The following IGF2BP3 variants were observed in gnomAD, a reference collection of about 807,000 sequenced individuals.
IGF2BP3 encodes the protein insulin like growth factor 2 mRNA binding protein 3, also known as insulin-like growth factor 2 mRNA-binding protein 3.
Under a neutral mutation model 73.8 loss-of-function variants are expected in IGF2BP3, and 9 were observed. The ratio of observed to expected loss-of-function variants is 0.12; its 90% confidence interval spans 0.07 to 0.21. The LOEUF (loss-of-function observed/expected upper bound fraction) is 0.21. Among genes scored for constraint, IGF2BP3 ranks in the 10% least tolerant of loss-of-function variants. The pLI is 1.00. For missense variants in IGF2BP3, 542 were observed against 714.0 expected (o/e 0.76, Z 2.75); for synonymous variants, 258 against 256.7 (o/e 1.01, Z -0.05).
chr7:23,358,632 C>T (rs1433985722), intron 5 of IGF2BP3, among the ~76,000 whole-genome samples: 3 of 152,242 alleles, frequency 2.0e-5, no homozygotes, highest in African/African-American at 7.2e-5. Flanking sequence ...TAAGTCAGGG[C>T]TACCTGACTT....
At chr7:23,447,675 TAA>T (rs1400716921) in intron 2 of IGF2BP3, among the ~76,000 whole-genome samples, 1 of 151,556 alleles carries the variant, frequency 6.6e-6, no homozygotes, top group Non-Finnish European at 1.5e-5. Flanking sequence ...TGTCCCAGAT[TAA>T]AAGAGACCAA....
chr7:23,426,102 A>T (rs1311919580), intron 2 of IGF2BP3, among the ~76,000 whole-genome samples: 2 of 152,120 alleles, frequency 1.3e-5, no homozygotes, highest in African/African-American at 2.4e-5. Context: ...CAAGGCAGGC[A>T]GATCACCTGA....
At chr7:23,464,678 C>T (rs1788523534) in intron 2 of IGF2BP3, among the ~76,000 whole-genome samples, 1 of 148,104 alleles carries the variant, frequency 6.8e-6, no homozygotes, top group Non-Finnish European at 1.5e-5. Flanking sequence ...AGAGAGACTC[C>T]ATCTTAAAAA....
At chr7:23,405,065 T>C (rs1786785076) in intron 3 of IGF2BP3, 1 of 152,200 alleles carries the variant, frequency 6.6e-6, no homozygotes, top group African/African-American at 2.4e-5. Flanking sequence ...ACGCATTTCT[T>C]TTAAGAGGGT....
intron 2 of IGF2BP3, among the ~76,000 whole-genome samples, chr7:23,464,311 T>A (rs1447733646): frequency 2.6e-5 from 4 of 152,236 alleles, no homozygotes; most frequent in African/African-American, 9.6e-5. Context: ...AAGACTAATA[T>A]GGAAATAAGT....
chr7:23,372,845 C>A (rs1488945059), intron 3 of IGF2BP3, among the ~76,000 whole-genome samples: 1 of 152,178 alleles, frequency 6.6e-6, no homozygotes, highest in Non-Finnish European at 1.5e-5. Context: ...TAACTCAAAT[C>A]CACACAATCC....
In IGF2BP3 at chr7:23,312,919, G is replaced by T; in HGVS notation, c.1528-71C>A. 3 of 879,456 alleles carry T rather than the reference G, an allele frequency of 3.4e-6. No homozygotes were observed. In the South Asian group the frequency reaches 4.6e-5, roughly 13 times the overall value. 54.5% of individuals were successfully genotyped at this position (879,456 alleles called of 1,614,324 possible). On this transcript the variant is annotated intron_variant, in intron 13 of 14. Transcript: ENST00000258729. The stretch of plus-strand genomic sequence containing the variant: ...CTTACTTCCTAAGCACTTACTGTGC[G>T]CCAGACAGTGAGCTATGTATGGCTT...
chr7:23,381,385 G>A (rs891280234), intron 3 of IGF2BP3, among the ~76,000 whole-genome samples: 3 of 152,112 alleles, frequency 2.0e-5, no homozygotes, highest in South Asian at 2.1e-4. Context: ...GGCTACACCC[G>A]TTTCTCAAAA....
intron 10 of IGF2BP3, among the ~76,000 whole-genome samples, chr7:23,322,204 A>C (rs193021200): frequency 6.6e-6 from 1 of 152,200 alleles, no homozygotes; most frequent in Admixed American, 6.5e-5. Context: ...AACTAGAATA[A>C]CCAATACACA....
intron 3 of IGF2BP3, among the ~76,000 whole-genome samples, chr7:23,389,766 G>A (rs1252908298): frequency 6.6e-6 from 1 of 150,666 alleles, no homozygotes; most frequent in Non-Finnish European, 1.5e-5. Flanking sequence ...GACCAAGTCA[G>A]GAGGATCCCT....
At position 23,322,946 on chromosome 7, in the gene IGF2BP3, G is replaced by A. The variant is rs868180441; in HGVS notation, c.1204-3692C>T. On this transcript the variant is annotated intron_variant, in intron 10 of 14. Transcript: ENST00000258729. Reference sequence around the variant, plus strand: ...GCGCTAAACATGGAAAGGAACAACCGGTACCAGCCACTGCAAAATCATGCC... The same window carrying A: ...GCGCTAAACATGGAAAGGAACAACCAGTACCAGCCACTGCAAAATCATGCC... Among the ~76,000 whole-genome samples, 30 of 152,162 alleles carry A rather than the reference G, an allele frequency of 2.0e-4. No homozygotes were observed. The Middle Eastern group carries it at 0.014, about 69-fold the overall frequency.
At chr7:23,423,683 A>G (rs2128538026) in intron 2 of IGF2BP3, among the ~76,000 whole-genome samples, 1 of 152,232 alleles carries the variant, frequency 6.6e-6, no homozygotes, top group Admixed American at 6.5e-5. Context: ...GACTCACAGA[A>G]CCACTATCCA....
rs185399021 is a variant in IGF2BP3, at chr7:23,437,110, C to A, written c.237-18286G>T. 3.0e-3 allele frequency among the ~76,000 whole-genome samples: 460 copies of A among 151,392 alleles called. 4 individuals carry two copies. Among genetic ancestry groups the A allele is most frequent in the African/African-American group, 0.011 (440 of 41,278 alleles). On this transcript the variant is annotated intron_variant, in intron 2 of 14. Transcript: ENST00000258729. Reference sequence around the variant, plus strand: ...CTCCAGCCTGGGCGATAGAGTCAGACCCTGTCTCAAAAAAAACAAAACAAA... The same window carrying A: ...CTCCAGCCTGGGCGATAGAGTCAGAACCTGTCTCAAAAAAAACAAAACAAA...
chr7:23,435,586 G>C (rs936677633), intron 2 of IGF2BP3, among the ~76,000 whole-genome samples: 1 of 151,644 alleles, frequency 6.6e-6, no homozygotes, highest in African/African-American at 2.4e-5. Context: ...CTCCCGAGTA[G>C]CTGGGATTAC....
intron 3 of IGF2BP3, among the ~76,000 whole-genome samples, chr7:23,410,031 T>A (rs898099316): frequency 6.6e-6 from 1 of 151,948 alleles, no homozygotes; most frequent in African/African-American, 2.4e-5. Flanking sequence ...TAGCCAGGCA[T>A]GTTGGTGGGC....
Position 23,361,553 on chromosome 7 carries a change from TGGA to T in IGF2BP3, c.379_381del (p.Ser128del), listed in dbSNP as rs1328976089. ...GCTTACTGTCTAGCTTGGTCCTTAC[TGGA>T]ATAGGTTACATTTACAACTGCAGTT... On this transcript the variant is annotated inframe_deletion, in exon 5 of 15. Transcript: ENST00000258729. The T allele has an allele frequency of 6.2e-7, 1 of 1,612,622 alleles. No homozygotes were observed. Among genetic ancestry groups the T allele is most frequent in the Admixed American group, 1.7e-5 (1 of 60,022 alleles).
rs2128490025 is a variant in IGF2BP3, at chr7:23,310,604, A to G, written c.*1758T>C. 6.6e-6 allele frequency: 1 copy of G among 152,358 alleles called. No individual in the cohort carries two copies. Among genetic ancestry groups the G allele is most frequent in the Admixed American group, 6.5e-5 (1 of 15,304 alleles). The allele number at this position is 152,358 out of a possible 1,614,324, so 9.4% of individuals were successfully genotyped here. A position where few individuals can be genotyped will look rare whatever the true frequency, so the allele number is the denominator to read the frequency against. On this transcript the variant is annotated 3_prime_UTR_variant, in exon 15 of 15. Transcript: ENST00000258729. ...AATTTTAATTCATTGTATGAAAAAA[A>G]AATCATGAATGCTAGGAGAATCCAG... is the stretch of plus-strand genomic sequence containing the variant.
chr7:23,391,941 T>C (rs1223015676), intron 3 of IGF2BP3, among the ~76,000 whole-genome samples: 1 of 152,202 alleles, frequency 6.6e-6, no homozygotes. Context: ...AATAAGTAAA[T>C]TGCTAAGCAT....
In IGF2BP3 at chr7:23,470,091, C is replaced by T. The variant is rs1207419530; in HGVS notation, c.20G>A (p.Gly7Glu). 1 of 1,608,034 alleles carries T rather than the reference C, an allele frequency of 6.2e-7. No individual in the cohort carries two copies. Among genetic ancestry groups the T allele is most frequent in the South Asian group, 1.1e-5 (1 of 90,368 alleles). MNKLYI[G>E]NLSENAAPSD... The stretch of plus-strand genomic sequence containing the variant: ...GGGGGCGGCGTTCTCGCTGAGGTTT[C>T]CGATATACAGTTTGTTCATTGTGAA... Residue 7 changes from glycine to glutamate, a missense_variant, in exon 1 of 15, where the codon GGA becomes GAA. Gly to Glu is a moderately conservative substitution (Grantham distance 98, BLOSUM62 -2). This residue lies in a region of IGF2BP3 where 239 missense variants were observed against 241.9 expected (regional missense o/e 0.99). Coordinates refer to ENST00000258729, the MANE Select transcript of IGF2BP3 (RefSeq NM_006547.3).
Sources: allele counts gnomAD v4.1 joint callset (sites outside exome capture counted in the v4.1 genomes callset), GRCh38; gene constraint gnomAD v4.1.1; regional missense constraint gnomAD v4.1.1; transcripts MANE v1.5; gene names NCBI Gene and HGNC (gene_info 2026-07-23, HGNC 2026-07-21).